The following CADM4 variants were observed in gnomAD, a reference collection of about 807,000 sequenced individuals.
CADM4 encodes TSLC1-like 2.
A neutral mutation model predicts 43.9 loss-of-function variants in CADM4; 13 were observed. The observed-to-expected ratio is 0.30, with a 90% CI of 0.19 to 0.47. CADM4 has a LOEUF of 0.47. CADM4 is among the 20% of genes least tolerant of loss of function. The probability of loss-of-function intolerance (pLI) is 1.00; values close to 1 mark genes in which losing one functional copy is unlikely to be tolerated. For missense variants in CADM4, 420 were observed against 527.0 expected, an observed-to-expected ratio of 0.80 and a Z score of 1.99; for synonymous variants, 209 against 220.9, an observed-to-expected ratio of 0.95 and a Z score of 0.48.
chr19:43,626,683 G>A lies in CADM4; in HGVS notation c.499+101C>T, dbSNP rs1200030003. 3.5e-6 allele frequency: 5 copies of A among 1,414,368 alleles called. No individual in the cohort carries two copies. Among genetic ancestry groups the A allele is most frequent in the South Asian group, 2.9e-5 (2 of 68,646 alleles). 87.6% of individuals were successfully genotyped at this position (1,414,368 alleles called of 1,614,324 possible). On this transcript the variant is annotated intron_variant, in intron 4 of 8. Transcript: ENST00000222374. This position sits in a 1 kb window ranked among gnomAD's most constrained non-coding sequence, Gnocchi z 5.9. ...CGACATCAACCACTACATATTGAAT[G>A]TCCAGTGTCTGTGAAAACCTGTGGC...
intron 1 of CADM4, among the ~76,000 whole-genome samples, chr19:43,632,357 G>A (rs1386188325): frequency 6.6e-6 from 1 of 152,108 alleles, no homozygotes; most frequent in Admixed American, 6.5e-5. Flanking sequence ...TCGTGGGTCT[G>A]TCTGCATCCC....
chr19:43,626,396 A>C lies in CADM4; in HGVS notation c.500-108T>G. On this transcript the variant is annotated intron_variant, in intron 4 of 8. Transcript: ENST00000222374. This position sits in a 1 kb window ranked among gnomAD's most constrained non-coding sequence, Gnocchi z 5.9. The stretch of plus-strand genomic sequence containing the variant: ...ATTTGCCAAGCTCCACCCCTTACCC[A>C]CAGGCCCCGCCTCTTGTCCTCCAAG... The C allele has an allele frequency of 7.4e-7, 1 of 1,351,032 alleles. No homozygotes were observed. The allele number at this position is 1,351,032 out of a possible 1,614,324, so 83.7% of individuals were successfully genotyped here. A position where few individuals can be genotyped will look rare whatever the true frequency, so the allele number is the denominator to read the frequency against.
chr19:43,624,877 A>G, intron 7 of CADM4: 1 of 590,730 alleles, frequency 1.7e-6, no homozygotes, highest in Non-Finnish European at 3.0e-6. Flanking sequence ...CTGATGGGTA[A>G]ACTGAGGCGC....
chr19:43,636,487 G>C (rs894772328), intron 1 of CADM4, among the ~76,000 whole-genome samples: 2 of 152,284 alleles, frequency 1.3e-5, no homozygotes, highest in South Asian at 2.1e-4. Flanking sequence ...CCACGGAGGA[G>C]CCTGCGTGCC....
chr19:43,630,232 G>A (rs573296100), intron 1 of CADM4, among the ~76,000 whole-genome samples: 6 of 148,436 alleles, frequency 4.0e-5, no homozygotes, highest in Admixed American at 6.8e-5. Context: ...CATTTTGCCC[G>A]GCCTGCGCTA....
At position 43,625,735 on chromosome 19, in the gene CADM4, G is replaced by A. The variant is rs926479893; in HGVS notation, c.755+176C>T. Among the ~76,000 whole-genome samples, 2 of 151,680 alleles carry A rather than the reference G, an allele frequency of 1.3e-5. No homozygotes were observed. The highest frequency in any genetic ancestry group is 3.2e-3 in the Middle Eastern group (1 of 316). On this transcript the variant is annotated intron_variant, in intron 6 of 8. Coordinates refer to ENST00000222374, the MANE Select transcript of CADM4 (RefSeq NM_145296.2). The surrounding 1 kb of genome is among the most constrained non-coding windows in gnomAD (Gnocchi z 4.5). ...GAGTCCAGGTCCCAGATCCCTATTC[G>A]TCCAGGTCCCCAGCTCTCTCCTCCT...
upstream of CADM4, among the ~76,000 whole-genome samples, chr19:43,640,552 G>C (rs1406448700): frequency 1.3e-5 from 2 of 151,916 alleles, no homozygotes; most frequent in Non-Finnish European, 2.9e-5. Context: ...CCGTGTTTCC[G>C]CGTCATTCTC....
chr19:43,630,573 C>T (rs1227963859), intron 1 of CADM4, among the ~76,000 whole-genome samples: 1 of 152,162 alleles, frequency 6.6e-6, no homozygotes, highest in African/African-American at 2.4e-5. Flanking sequence ...CTTGAGCTAT[C>T]GTGTCCTGCT....
At chr19:43,628,650 GT>G (rs1262042806) in intron 1 of CADM4, among the ~76,000 whole-genome samples, 7 of 152,200 alleles carry the variant, frequency 4.6e-5, no homozygotes, top group African/African-American at 1.7e-4. Context: ...ACTAGTCTGG[GT>G]AAGCCTTGAG....
chr19:43,631,809 C>T (rs1016391989), intron 1 of CADM4, among the ~76,000 whole-genome samples: 32 of 152,188 alleles, frequency 2.1e-4, no homozygotes, highest in African/African-American at 7.7e-4. Flanking sequence ...TGGAAGGTGC[C>T]TGAGTCTCTG....
upstream of CADM4, chr19:43,639,863 C>T (rs1973753487): frequency 1.0e-6 from 1 of 975,068 alleles, no homozygotes; most frequent in Admixed American, 6.4e-5. Context: ...CCGCCCCGCC[C>T]CCCGCGCCCC....
rs773454234 is a variant in CADM4 at position 43,625,149 on chromosome 19, T to C, written c.857A>G (p.Asn286Ser). ...LTLPGLVSAD[N>S]GTYTCEASNK... is the part of the protein sequence containing the mutation. Reference sequence around the variant, plus strand: ...GGACGCCTCGCAAGTGTAGGTGCCGTTATCCGCGGATACCAGACCCGGCAG... The same window carrying C: ...GGACGCCTCGCAAGTGTAGGTGCCGCTATCCGCGGATACCAGACCCGGCAG... The change falls in exon 7 of 9, where the codon AAC (asparagine) becomes AGC (serine). Residue 286 changes from asparagine to serine, a missense_variant. By Grantham distance (46) the Asn-to-Ser change is conservative (BLOSUM62 1). Coordinates refer to ENST00000222374, the MANE Select transcript of CADM4 (RefSeq NM_145296.2). This position sits in a 1 kb window ranked among gnomAD's most constrained non-coding sequence, Gnocchi z 4.5. 8 of 1,613,946 alleles carry C rather than the reference T, an allele frequency of 5.0e-6. 1 individual carries two copies. The South Asian group carries it at 8.8e-5, about 18-fold the overall frequency.
Position 43,627,554 on chromosome 19 carries a change from C to A in CADM4, c.211+90G>T. On this transcript the variant is annotated intron_variant, in intron 2 of 8. Transcript: ENST00000222374. The surrounding 1 kb of genome is among the most constrained non-coding windows in gnomAD (Gnocchi z 4.0). ...CTTCTCCGAGACCCAGGAGACCAAA[C>A]TCTCAGGTGTGTCCTCTTTCAGGAC... 2 of 1,452,236 alleles carry A rather than the reference C, an allele frequency of 1.4e-6. No homozygotes were observed. The highest frequency in any genetic ancestry group is 1.3e-5 in the South Asian group (1 of 74,548). The allele number at this position is 1,452,236 out of a possible 1,614,324, so 90.0% of individuals were successfully genotyped here. A position where few individuals can be genotyped will look rare whatever the true frequency, so the allele number is the denominator to read the frequency against.
chr19:43,630,281 CTT>C (rs59489315), intron 1 of CADM4, among the ~76,000 whole-genome samples: 69 of 73,428 alleles, frequency 9.4e-4, no homozygotes, highest in African/African-American at 3.7e-3. Context: ...TTTTTCTTTT[CTT>C]TTTTTTTTTT....
chr19:43,637,882 C>G (rs1425532320), intron 1 of CADM4, among the ~76,000 whole-genome samples: 1 of 152,128 alleles, frequency 6.6e-6, no homozygotes, highest in African/African-American at 2.4e-5. Context: ...TTAAAGGTGT[C>G]AAGATTCTAA....
At chr19:43,634,654 G>T (rs1045863774) in intron 1 of CADM4, among the ~76,000 whole-genome samples, 11 of 152,092 alleles carry the variant, frequency 7.2e-5, no homozygotes, top group Non-Finnish European at 1.3e-4. Flanking sequence ...TGAGCTTTGG[G>T]GACTGAGGCA....
rs1189614011 is a variant in CADM4, at chr19:43,626,979, T to C, written c.365-61A>G. ...AGGCACGAACGTGGGCTCAAAGCGA[T>C]CGAGCTGCCTGTTCCCAGCGACCAT... On this transcript the variant is annotated intron_variant, in intron 3 of 8. Coordinates refer to ENST00000222374, the MANE Select transcript of CADM4 (RefSeq NM_145296.2). This position sits in a 1 kb window ranked among gnomAD's most constrained non-coding sequence, Gnocchi z 5.9. 9.3e-6 allele frequency: 14 copies of C among 1,508,012 alleles called. No individual in the cohort carries two copies. In the Admixed American group the frequency reaches 2.6e-4, roughly 28 times the overall value. 93.4% of individuals were successfully genotyped at this position (1,508,012 alleles called of 1,614,324 possible).
chr19:43,634,897 C>CACCCAGG (rs56335672), intron 1 of CADM4, among the ~76,000 whole-genome samples: 3,782 of 151,826 alleles, frequency 0.025, 69 homozygotes, highest in Non-Finnish European at 0.042. Flanking sequence ...CCCAGGAATT[C>CACCCAGG]AGCCCCCAAC....
chr19:43,625,166 A>C lies in CADM4; in HGVS notation c.840T>G (p.Gly280=). The C allele has an allele frequency of 6.2e-7, 1 of 1,613,958 alleles. No homozygotes were observed. The highest frequency in any genetic ancestry group is 8.5e-7 in the Non-Finnish European group (1 of 1,179,956). Residue 280 remains glycine (G), a synonymous_variant, in exon 7 of 9, where the codon GGT becomes GGG. Transcript: ENST00000222374. The surrounding 1 kb of genome is among the most constrained non-coding windows in gnomAD (Gnocchi z 4.5). ...AGGTGCCGTTATCCGCGGATACCAG[A>C]CCCGGCAGCGTGAGCGTCTCTCCCA... The part of the protein sequence containing the change: ...EAVGETLTLP[G]LVSADNGTYT...
Sources: gnomAD v4.1 joint callset for allele counts (sites outside exome capture counted in the v4.1 genomes callset) on GRCh38, gnomAD v4.1.1 for gene constraint, Gnocchi (gnomAD v3.1) non-coding constraint, MANE v1.5 for transcripts, NCBI Gene and HGNC (gene_info 2026-07-23, HGNC 2026-07-21) for gene names.